Variants in PIGT observed in about 807,000 individuals in gnomAD.
PIGT encodes phosphatidylinositol glycan anchor biosynthesis class T.
Under a neutral mutation model 66.7 loss-of-function variants are expected in PIGT, and 57 were observed. The ratio of observed to expected loss-of-function variants is 0.86; its 90% CI spans 0.69 to 1.07. The LOEUF (loss-of-function observed/expected upper bound fraction) is 1.07. Among genes scored for constraint, PIGT ranks in the 50% least tolerant of loss-of-function variants. PIGT has a pLI of 0.00. For missense variants in PIGT, 725 were observed against 740.4 expected (o/e 0.98, Z 0.24); for synonymous variants, 362 against 320.5 (o/e 1.13, Z -1.38).
Position 45,418,884 on chromosome 20 carries a change from T to G in PIGT, c.398T>G (p.Val133Gly). The change falls in exon 3 of 12, where the codon GTC (valine) becomes GGC (glycine). Residue 133 changes from valine (V) to glycine (G), a missense_variant. Val to Gly is a moderately radical substitution (Grantham distance 109, BLOSUM62 -3). This residue lies in a region of PIGT where 559 missense variants were observed against 552.7 expected (regional missense o/e 1.01). Transcript: ENST00000279036. ...VDKSWKELSN[V>G]LSGIFCASLN... ...AAATCTTGGAAGGAGCTCAGTAATGTCCTCTCAGGGATCTTCTGCGCCTCT... is the reference window on the plus strand; with the variant it reads ...AAATCTTGGAAGGAGCTCAGTAATGGCCTCTCAGGGATCTTCTGCGCCTCT... 3.7e-6 allele frequency: 6 copies of G among 1,614,074 alleles called. No individual in the cohort carries two copies. Among genetic ancestry groups the G allele is most frequent in the Non-Finnish European group, 5.1e-6 (6 of 1,179,954 alleles).
Position 45,420,334 on chromosome 20 carries a change from T to A in PIGT, c.772T>A (p.Trp258Arg). The A allele has an allele frequency of 6.2e-7, 1 of 1,612,478 alleles. No homozygotes were observed. The highest frequency in any genetic ancestry group is 8.5e-7 in the Non-Finnish European group (1 of 1,179,182). ...AFITGQGKKD[W>R]SLFRMFSRTL... ...CAGCCCTGCGCTCTGTTTCTCAGAC[T>A]GGTCCCTCTTCCGGATGTTCTCCCG... Residue 258 changes from tryptophan to arginine, a missense_variant and splice_region_variant, in exon 7 of 12, where the codon TGG (tryptophan) becomes AGG (arginine). This residue lies in a region of PIGT where 559 missense variants were observed against 552.7 expected (regional missense o/e 1.01). Transcript: ENST00000279036.
chr20:45,420,579 G>A lies in PIGT; in HGVS notation c.919G>A (p.Val307Ile), dbSNP rs768643259. ...ACCCCCGACCACTACATATCAGGACGTCATCCTAGGCACTCGGAAGACCTA... is the reference window on the plus strand; with the variant it reads ...ACCCCCGACCACTACATATCAGGACATCATCCTAGGCACTCGGAAGACCTA... ...HPPPTTTYQDVILGTRKTYAI... is the reference protein window; with the variant it reads ...HPPPTTTYQDIILGTRKTYAI... Residue 307 changes from valine (V) to isoleucine (I), a missense_variant, in exon 8 of 12, where the codon GTC becomes ATC. This residue lies in a region of PIGT where 559 missense variants were observed against 552.7 expected (regional missense o/e 1.01). Transcript: ENST00000279036. 7.1e-5 allele frequency: 114 copies of A among 1,613,514 alleles called. No individual in the cohort carries two copies. Among genetic ancestry groups the A allele is most frequent in the East Asian group, 3.8e-4 (17 of 44,800 alleles).
At chr20:45,418,760 C>T (rs1990148955) in intron 2 of PIGT, 92 bp from the exon 3 acceptor site, 3 of 1,497,002 alleles carry the variant, frequency 2.0e-6, no homozygotes, top group Non-Finnish European at 1.9e-6. Flanking sequence ...ATACAGCCTC[C>T]TCCTATCATA....
chr20:45,421,803 G>T (rs911271296), intron 9 of PIGT: 1 of 570,472 alleles, frequency 1.8e-6, no homozygotes, highest in African/African-American at 1.9e-5. Flanking sequence ...CATAATACTG[G>T]TGATTCTTAA....
In PIGT at chr20:45,425,583, C is replaced by G. The variant is rs1167749631; in HGVS notation, c.1494C>G (p.Val498=). The G allele has an allele frequency of 6.2e-7, 1 of 1,613,686 alleles. No homozygotes were observed. The highest frequency in any genetic ancestry group is 8.5e-7 in the Non-Finnish European group (1 of 1,179,866). ...CTTCCCCTGACCCCAGGTTCCCAGT[C>G]TCTGATGGCTCTAACTACTTTGTGC... The part of the protein sequence containing the change: ...ESPLFNSLFP[V]SDGSNYFVRL... The change falls in exon 12 of 12, where the codon GTC becomes GTG. Residue 498 remains valine, a synonymous_variant. Coordinates refer to ENST00000279036, the MANE Select transcript of PIGT (RefSeq NM_015937.6).
chr20:45,422,287 C>T (rs1439019880), intron 9 of PIGT: 1 of 152,102 alleles, frequency 6.6e-6, no homozygotes, highest in Non-Finnish European at 1.5e-5. Context: ...ATTTTCAGCA[C>T]CATTATTTGT....
Position 45,425,953 on chromosome 20 carries a change from C to A in PIGT, c.*127C>A. The A allele has an allele frequency of 9.5e-7, 1 of 1,047,326 alleles. No individual in the cohort carries two copies. The highest frequency in any genetic ancestry group is 1.4e-6 in the Non-Finnish European group (1 of 738,778). The allele number at this position is 1,047,326 out of a possible 1,614,324, so 64.9% of individuals were successfully genotyped here. ...AAAGTGCCCTGGACCAGGTCAGGGCCTACAGCTGTGTTGTCCAGTACAGGA... is the reference window on the plus strand; with the variant it reads ...AAAGTGCCCTGGACCAGGTCAGGGCATACAGCTGTGTTGTCCAGTACAGGA... On this transcript the variant is annotated 3_prime_UTR_variant, in exon 12 of 12. Coordinates refer to ENST00000279036, the MANE Select transcript of PIGT (RefSeq NM_015937.6).
chr20:45,421,828 G>A, intron 9 of PIGT: 1 of 465,882 alleles, frequency 2.1e-6, no homozygotes, highest in Non-Finnish European at 3.8e-6. Flanking sequence ...ACTGTACAAG[G>A]ACAGTAGCTT....
intron 8 of PIGT, 164 bp from the exon 9 acceptor site, chr20:45,421,219 G>A: frequency 1.6e-6 from 1 of 616,636 alleles, no homozygotes; most frequent in Admixed American, 3.0e-5. Flanking sequence ...CTTGTTGGCT[G>A]GGGAAGACAG....
rs1040894386 is a variant in PIGT at position 45,419,843 on chromosome 20, T to C, written c.681+253T>C. On this transcript the variant is annotated intron_variant, in intron 5 of 11. Coordinates refer to ENST00000279036, the MANE Select transcript of PIGT (RefSeq NM_015937.6). ...ATTGCTAGCTCAGTCACTTGCCAGC[T>C]GGCGTAACCTTGGGTGAATCATTTC... The C allele has an allele frequency of 6.7e-6, 4 of 600,326 alleles. No homozygotes were observed. In the African/African-American group the frequency reaches 7.4e-5, roughly 11 times the overall value. The allele number at this position is 600,326 out of a possible 1,614,324, so 37.2% of individuals were successfully genotyped here.
intron 3 of PIGT, 65 bp from the exon 4 acceptor site, chr20:45,419,230 T>C: frequency 1.5e-6 from 2 of 1,361,760 alleles, no homozygotes; most frequent in Middle Eastern, 3.6e-4. Context: ...TTCCCATCTC[T>C]GGAATGTGGA....
intron 2 of PIGT, chr20:45,417,240 G>A (rs1028306): frequency 0.79 from 120,334 of 152,196 alleles, 47,891 homozygotes; most frequent in African/African-American, 0.85. Flanking sequence ...CACAGGTAAG[G>A]AATGAATAAA....
intron 8 of PIGT, chr20:45,420,915 TG>T (rs1171811113): frequency 5.1e-6 from 3 of 588,152 alleles, no homozygotes; most frequent in Non-Finnish European, 9.1e-6. Context: ...CTTAGCAAAT[TG>T]GATGAGATGA....
In PIGT at chr20:45,416,696, T is replaced by A. The variant is rs757606139; in HGVS notation, c.365+2T>A. 4 of 1,611,184 alleles carry A rather than the reference T, an allele frequency of 2.5e-6. No individual in the cohort carries two copies. The highest frequency in any genetic ancestry group is 3.4e-6 in the Non-Finnish European group (4 of 1,179,134). On this transcript the variant is annotated splice_donor_variant, in intron 2 of 11. Transcript: ENST00000279036. LOFTEE classifies it high-confidence loss of function. ...CTGGTTCCAAGACACTGTCACTGAGTGAGTGCACACCTTGGGCCCTGTTGC... is the reference window on the plus strand; with the variant it reads ...CTGGTTCCAAGACACTGTCACTGAGAGAGTGCACACCTTGGGCCCTGTTGC...
intron 5 of PIGT, 47 bp from the exon 6 acceptor site, chr20:45,420,089 G>C (rs762094972): frequency 3.0e-6 from 4 of 1,333,496 alleles, no homozygotes. Context: ...GGGGCTGTGT[G>C]GTGAGAGTGA....
intron 11 of PIGT, chr20:45,424,947 G>C (rs185097945): frequency 3.4e-5 from 9 of 268,128 alleles, no homozygotes; most frequent in African/African-American, 1.9e-4. Flanking sequence ...GGAAGATTCT[G>C]GTCTAGAGAG....
At chr20:45,422,553 C>G (rs1340006485) in intron 9 of PIGT, 1 of 151,480 alleles carries the variant, frequency 6.6e-6, no homozygotes, top group Non-Finnish European at 1.5e-5. Flanking sequence ...CTCAAGCAAT[C>G]CTCCTACCTC....
At chr20:45,424,454 C>T (rs1240081193) in intron 10 of PIGT, 42 bp from the exon 11 acceptor site, 1 of 1,612,332 alleles carries the variant, frequency 6.2e-7, no homozygotes, top group Non-Finnish European at 8.5e-7. Context: ...CTTGATAGGG[C>T]AGCCAGATGG....
At position 45,425,671 on chromosome 20, in the gene PIGT, G is replaced by A. The variant is rs771157170; in HGVS notation, c.1582G>A (p.Val528Met). The change falls in exon 12 of 12, where the codon GTG (valine) becomes ATG (methionine). Residue 528 changes from valine (V) to methionine (M), a missense_variant. Physicochemically the swap from Val to Met is conservative, Grantham distance 21 (BLOSUM62 1). Transcript: ENST00000279036. Reference sequence around the variant, plus strand: ...ACCGGACTTCAGCATGCCCTACAACGTGATCTGCCTCACGTGCACTGTGGT... The same window carrying A: ...ACCGGACTTCAGCATGCCCTACAACATGATCTGCCTCACGTGCACTGTGGT... The part of the protein sequence containing the change: ...PTPDFSMPYN[V>M]ICLTCTVVAV... The A allele has an allele frequency of 5.6e-5, 91 of 1,614,022 alleles. No homozygotes were observed. Among genetic ancestry groups the A allele is most frequent in the Non-Finnish European group, 6.0e-5 (71 of 1,180,030 alleles).
Sources: allele counts gnomAD v4.1 joint callset, GRCh38; gene constraint gnomAD v4.1.1; regional missense constraint gnomAD v4.1.1; transcripts MANE v1.5; gene names NCBI Gene and HGNC (gene_info 2026-07-23, HGNC 2026-07-21).